Variants in SYN3 observed in about 807,000 individuals in gnomAD.
SYN3 encodes the protein synapsin III.
In SYN3, 35 loss-of-function variants were observed where a neutral mutation model predicts 65.8. The observed-to-expected ratio is 0.53, with a 90% confidence interval of 0.41 to 0.70. The LOEUF (loss-of-function observed/expected upper bound fraction) is 0.70. SYN3 is among the 30% of genes least tolerant of loss of function. SYN3 has a pLI of 0.00. For missense variants in SYN3, 680 were observed against 749.0 expected, an observed-to-expected ratio of 0.91 and a Z score of 1.08; for synonymous variants, 270 against 292.9, an observed-to-expected ratio of 0.92 and a Z score of 0.80.
intron 6 of SYN3, among the ~76,000 whole-genome samples, chr22:32,663,274 C>T (rs1236935741): frequency 6.6e-6 from 1 of 151,744 alleles, no homozygotes; most frequent in Non-Finnish European, 1.5e-5. Context: ...AAACTGTAAG[C>T]CCATTCAACT....
chr22:32,539,298 A>T (rs1375094912), intron 8 of SYN3, among the ~76,000 whole-genome samples: 1 of 134,726 alleles, frequency 7.4e-6, no homozygotes, highest in Non-Finnish European at 1.6e-5. Flanking sequence ...GGGCACATAC[A>T]CTGAGATGGA....
At chr22:32,561,865 C>A (rs181139353) in intron 7 of SYN3, among the ~76,000 whole-genome samples, 1 of 152,336 alleles carries the variant, frequency 6.6e-6, no homozygotes, top group East Asian at 1.9e-4. Context: ...CTGTCTCATT[C>A]TGGGGTTAAG....
At position 32,751,331 on chromosome 22, in the gene SYN3, C is replaced by T. The variant is rs2045116031; in HGVS notation, c.711+113584G>A. ...TGGCAGCAGGGCCACTCAGAAGTGG[C>T]CTCTGCTCTGGCCCTGAGAAGTTAA... On this transcript the variant is annotated intron_variant, in intron 6 of 13. Coordinates refer to ENST00000358763, the MANE Select transcript of SYN3 (RefSeq NM_003490.4). Among the ~76,000 whole-genome samples the T allele has an allele frequency of 2.0e-5, 3 of 152,288 alleles. No individual in the cohort carries two copies. The South Asian group carries it at 6.2e-4, about 32-fold the overall frequency.
chr22:32,741,937 T>C (rs1386919794), intron 6 of SYN3, among the ~76,000 whole-genome samples: 1 of 152,160 alleles, frequency 6.6e-6, no homozygotes, highest in African/African-American at 2.4e-5. Context: ...AGTATTTACC[T>C]TTCTAGTTTA....
intron 7 of SYN3, among the ~76,000 whole-genome samples, chr22:32,596,041 C>T (rs1275726241): frequency 6.6e-6 from 1 of 152,176 alleles, no homozygotes; most frequent in Non-Finnish European, 1.5e-5. Flanking sequence ...CACGCTACTG[C>T]ACACCAGCCT....
At chr22:32,570,811 A>AT (rs996717157) in intron 7 of SYN3, among the ~76,000 whole-genome samples, 107 of 152,248 alleles carry the variant, frequency 7.0e-4, no homozygotes, top group Middle Eastern at 3.4e-3. Flanking sequence ...CAGCACTGGG[A>AT]TGCTGACTTC....
intron 6 of SYN3, among the ~76,000 whole-genome samples, chr22:32,799,377 A>G (rs1373480771): frequency 6.6e-6 from 1 of 152,224 alleles, no homozygotes; most frequent in Non-Finnish European, 1.5e-5. Context: ...CAGCTGGAAA[A>G]AAGATCAGAT....
At chr22:32,848,326 T>C (rs1014912438) in intron 6 of SYN3, among the ~76,000 whole-genome samples, 7 of 152,200 alleles carry the variant, frequency 4.6e-5, no homozygotes, top group African/African-American at 1.4e-4. Flanking sequence ...ATAAGATCTT[T>C]CGTTCAATCC....
At chr22:32,526,619 G>A (rs1441161937) in intron 12 of SYN3, among the ~76,000 whole-genome samples, 1 of 152,000 alleles carries the variant, frequency 6.6e-6, no homozygotes, top group Non-Finnish European at 1.5e-5. Context: ...GGGTTCAAGC[G>A]ATTCTCCTGC....
intron 3 of SYN3, among the ~76,000 whole-genome samples, chr22:32,975,963 T>C (rs1401201057): frequency 1.3e-5 from 2 of 152,244 alleles, no homozygotes; most frequent in Non-Finnish European, 2.9e-5. Flanking sequence ...ATGGTCAATA[T>C]CTACAGCTAA....
intron 6 of SYN3, among the ~76,000 whole-genome samples, chr22:32,627,615 TACACACA>T (rs2059686527): frequency 2.0e-5 from 3 of 152,028 alleles, no homozygotes; most frequent in African/African-American, 7.2e-5. Flanking sequence ...AGTGCAATCA[TACACACA>T]TGTAGGAGTA....
intron 2 of SYN3, among the ~76,000 whole-genome samples, chr22:33,005,233 T>C (rs2145791978): frequency 6.6e-6 from 1 of 152,284 alleles, no homozygotes; most frequent in African/African-American, 2.4e-5. Context: ...TGTGGCCACC[T>C]TTGGAGACAT....
intron 2 of SYN3, among the ~76,000 whole-genome samples, chr22:32,989,904 A>C (rs2052646014): frequency 6.6e-6 from 1 of 150,910 alleles, no homozygotes; most frequent in African/African-American, 2.4e-5. Context: ...AAGACACAGC[A>C]CTATGTCACC....
At chr22:33,020,929 T>C (rs542494584) in intron 1 of SYN3, among the ~76,000 whole-genome samples, 1 of 152,332 alleles carries the variant, frequency 6.6e-6, no homozygotes, top group Non-Finnish European at 1.5e-5. Flanking sequence ...AAAATGGGTA[T>C]AATAGTACCT....
chr22:32,839,593 G>A (rs2047835728), intron 6 of SYN3, among the ~76,000 whole-genome samples: 1 of 152,154 alleles, frequency 6.6e-6, no homozygotes, highest in South Asian at 2.1e-4. Context: ...CAAGGTATCT[G>A]TACCTTTCTT....
At chr22:32,974,191 C>G (rs942857428) in intron 3 of SYN3, among the ~76,000 whole-genome samples, 1 of 152,190 alleles carries the variant, frequency 6.6e-6, no homozygotes. Flanking sequence ...ATTTACAACA[C>G]TGGAAGAAAA....
At chr22:32,769,034 G>A (rs2097326) in intron 6 of SYN3, among the ~76,000 whole-genome samples, 119,199 of 152,008 alleles carry the variant, frequency 0.78, 47,572 homozygotes, top group African/African-American at 0.94. Flanking sequence ...CACCCCTTTC[G>A]CCGATTCTAG....
chr22:32,968,976 C>T (rs1263061130), intron 3 of SYN3, among the ~76,000 whole-genome samples: 1 of 152,200 alleles, frequency 6.6e-6, no homozygotes, highest in African/African-American at 2.4e-5. Context: ...ACACATCCTT[C>T]AAGAAGTGAA....
intron 6 of SYN3, among the ~76,000 whole-genome samples, chr22:32,628,366 G>GGT (rs573210856): frequency 1.7e-3 from 259 of 152,274 alleles, no homozygotes; most frequent in African/African-American, 5.8e-3. Context: ...GACCATTACT[G>GGT]GAAGTGAGGG....
Sources: gnomAD v4.1 joint callset for allele counts (sites outside exome capture counted in the v4.1 genomes callset) on GRCh38, gnomAD v4.1.1 for gene constraint, MANE v1.5 for transcripts, NCBI Gene and HGNC (gene_info 2026-07-23, HGNC 2026-07-21) for gene names.